The following CORO2B variants were observed in gnomAD, a reference collection of about 807,000 sequenced individuals.
CORO2B encodes coronin-2B.
In CORO2B, 26 loss-of-function variants were observed where a neutral mutation model predicts 58.8. That is an observed-to-expected ratio of 0.44 (90% CI 0.32 to 0.61). CORO2B has a LOEUF of 0.61. CORO2B is among the 20% of genes least tolerant of loss of function. The pLI is 0.04. For synonymous variants in CORO2B, 242 were observed against 253.8 expected, an observed-to-expected ratio of 0.95 and a Z score of 0.44; for missense variants, 460 against 645.1, an observed-to-expected ratio of 0.71 and a Z score of 3.11.
At chr15:68,677,766 C>T (rs1902636263) in intron 2 of CORO2B, among the ~76,000 whole-genome samples, 1 of 152,220 alleles carries the variant, frequency 6.6e-6, no homozygotes, top group South Asian at 2.1e-4. Flanking sequence ...TGCCCAGCCC[C>T]ATTCTGTGTG....
chr15:68,694,996 C>A, intron 2 of CORO2B, 144 bp from the exon 3 acceptor site: 2 of 642,954 alleles, frequency 3.1e-6, no homozygotes, highest in East Asian at 2.8e-5. Flanking sequence ...CCCAGCAGGG[C>A]CCAAAAACAA....
the CORO2B span, among the ~76,000 whole-genome samples, chr15:68,547,146 G>A: frequency 6.6e-6 from 1 of 152,150 alleles, no homozygotes; most frequent in Non-Finnish European, 1.5e-5. Context: ...AATTGCTAGA[G>A]GTTTTCAGGC....
At chr15:68,681,042 T>C (rs937021655) in intron 2 of CORO2B, among the ~76,000 whole-genome samples, 2 of 152,094 alleles carry the variant, frequency 1.3e-5, no homozygotes, top group Admixed American at 1.3e-4. Context: ...GGTGAAACCC[T>C]GTCTCTACAA....
At chr15:68,555,414 T>C in the CORO2B span, among the ~76,000 whole-genome samples, 2 of 152,142 alleles carry the variant, frequency 1.3e-5, no homozygotes, top group Admixed American at 1.3e-4. Context: ...CCAAACCACT[T>C]ATGTCAAAGC....
chr15:68,686,020 G>GTTTTTTTTTTTTTTTTTTTTTTT (rs56168498), intron 2 of CORO2B, among the ~76,000 whole-genome samples: 3 of 103,334 alleles, frequency 2.9e-5, no homozygotes, highest in African/African-American at 3.4e-5. Flanking sequence ...TCCTACTTCT[G>GTTTTTTTTTTTTTTTTTTTTTTT]TTTTTTTTTT....
At chr15:68,633,486 A>C (rs577039421) in intron 1 of CORO2B, among the ~76,000 whole-genome samples, 1 of 150,176 alleles carries the variant, frequency 6.7e-6, no homozygotes, top group South Asian at 2.1e-4. Context: ...TTGTTTCCAA[A>C]GTCCAAGAGG....
chr15:68,635,160 T>A lies in CORO2B; in HGVS notation c.16-10000T>A, dbSNP rs1900991696. 2.6e-5 allele frequency among the ~76,000 whole-genome samples: 4 copies of A among 152,278 alleles called. No homozygotes were observed. The South Asian group carries it at 8.3e-4, about 32-fold the overall frequency. ...CACCCTGGCCTCATTTTCAAAGGTT[T>A]TCCACCTTCACTCCTCTCCCCACTG... On this transcript the variant is annotated intron_variant, in intron 1 of 11. Coordinates refer to ENST00000261861, the MANE Select transcript of CORO2B (RefSeq NM_006091.5).
the CORO2B span, among the ~76,000 whole-genome samples, chr15:68,528,766 G>T: frequency 4.8e-4 from 72 of 150,974 alleles, no homozygotes; most frequent in Non-Finnish European, 7.8e-4. Context: ...TCTGGGTCTG[G>T]ACTATTTTGT....
the CORO2B span, among the ~76,000 whole-genome samples, chr15:68,569,639 C>T: frequency 6.6e-6 from 1 of 152,218 alleles, no homozygotes; most frequent in Non-Finnish European, 1.5e-5. Flanking sequence ...ATTTCAACTC[C>T]TCTGGGTAAA....
chr15:68,592,992 G>GAAGTCCA (rs1402785855), intron 1 of CORO2B, among the ~76,000 whole-genome samples: 1 of 152,224 alleles, frequency 6.6e-6, no homozygotes, highest in African/African-American at 2.4e-5. Flanking sequence ...TAGAGACTAA[G>GAAGTCCA]AAGTCCAAGA....
chr15:68,541,757 C>A, the CORO2B span, among the ~76,000 whole-genome samples: 1 of 152,202 alleles, frequency 6.6e-6, no homozygotes, highest in Admixed American at 6.5e-5. Context: ...TCGGGTGATT[C>A]TTTCGCTGGC....
At chr15:68,612,137 G>C (rs1431175501) in intron 1 of CORO2B, among the ~76,000 whole-genome samples, 1 of 152,166 alleles carries the variant, frequency 6.6e-6, no homozygotes, top group African/African-American at 2.4e-5. Flanking sequence ...TTGTTTATCG[G>C]AGTAGATTCC....
At chr15:68,584,310 C>T (rs1248808397) in intron 1 of CORO2B, among the ~76,000 whole-genome samples, 1 of 152,212 alleles carries the variant, frequency 6.6e-6, no homozygotes, top group East Asian at 1.9e-4. Flanking sequence ...CTGGACTGTG[C>T]CCAGAGGCCC....
In CORO2B at chr15:68,631,869, G is replaced by A. The variant is rs142448715; in HGVS notation, c.16-13291G>A. On this transcript the variant is annotated intron_variant, in intron 1 of 11. Transcript: ENST00000261861. Reference sequence around the variant, plus strand: ...GACAGCCCCTCCTGAGCTGCCAGGAGGAGGTGCTCCTCGCAGTCAGTGTAA... The same window carrying A: ...GACAGCCCCTCCTGAGCTGCCAGGAAGAGGTGCTCCTCGCAGTCAGTGTAA... The A allele has an allele frequency of 1.4e-4, 120 of 860,754 alleles. No homozygotes were observed. In the African/African-American group the frequency reaches 2.1e-3, roughly 15 times the overall value. The allele number at this position is 860,754 out of a possible 1,614,324, so 53.3% of individuals were successfully genotyped here.
At chr15:68,633,256 C>T (rs1595979651) in intron 1 of CORO2B, among the ~76,000 whole-genome samples, 2 of 151,920 alleles carry the variant, frequency 1.3e-5, no homozygotes, top group Non-Finnish European at 2.9e-5. Flanking sequence ...GAACTGTTGG[C>T]CACAGATCCC....
chr15:68,531,340 A>ACAAAAAAAAT, the CORO2B span, among the ~76,000 whole-genome samples: 1 of 151,532 alleles, frequency 6.6e-6, no homozygotes, highest in Admixed American at 6.6e-5. Context: ...AATACAAAAA[A>ACAAAAAAAAT]CAAAAAACAA....
chr15:68,656,976 TC>T (rs1317640920), intron 2 of CORO2B, among the ~76,000 whole-genome samples: 1 of 152,114 alleles, frequency 6.6e-6, no homozygotes. Context: ...TAGGGTCCAG[TC>T]CCCCCGATCC....
intron 2 of CORO2B, among the ~76,000 whole-genome samples, chr15:68,657,680 T>C (rs1271855281): frequency 6.6e-6 from 1 of 152,228 alleles, no homozygotes; most frequent in Non-Finnish European, 1.5e-5. Flanking sequence ...TTTGAGTTAA[T>C]AGTAGCAGAA....
intron 5 of CORO2B, among the ~76,000 whole-genome samples, chr15:68,712,531 A>G (rs919715835): frequency 6.6e-6 from 1 of 152,198 alleles, no homozygotes; most frequent in East Asian, 1.9e-4. Context: ...TAATGTGAAT[A>G]TTCTGACATC....
Sources: gnomAD v4.1 joint callset for allele counts (sites outside exome capture counted in the v4.1 genomes callset) on GRCh38, gnomAD v4.1.1 for gene constraint, MANE v1.5 for transcripts, NCBI Gene and HGNC (gene_info 2026-07-23, HGNC 2026-07-21) for gene names.